Variants in MED1 observed in about 807,000 individuals in gnomAD.
MED1 encodes mediator complex subunit 1, also known as mediator of RNA polymerase II transcription subunit 1.
Under a neutral mutation model 121.3 loss-of-function variants are expected in MED1, and 17 were observed. That is an observed-to-expected ratio of 0.14 (90% confidence interval 0.10 to 0.21). MED1 has a LOEUF of 0.21. Ranked by LOEUF, MED1 falls within the 10% of genes least tolerant of loss-of-function variation. The probability of loss-of-function intolerance (pLI) is 1.00; values close to 1 mark genes in which losing one functional copy is unlikely to be tolerated. For synonymous variants in MED1, 661 were observed against 694.4 expected (o/e 0.95, Z 0.76); for missense variants, 1,558 against 1,919.4 (o/e 0.81, Z 3.52).
chr17:39,448,790 T>G (rs1250397900), intron 1 of MED1, among the ~76,000 whole-genome samples: 1 of 151,604 alleles, frequency 6.6e-6, no homozygotes, highest in Non-Finnish European at 1.5e-5. Flanking sequence ...ATGCCTGTAA[T>G]CCCAGCTACT....
At chr17:39,419,607 A>G in intron 14 of MED1, 110 bp downstream of exon 14, 3 of 1,155,608 alleles carry the variant, frequency 2.6e-6, no homozygotes, top group African/African-American at 1.6e-5. Flanking sequence ...TATGAAAAAA[A>G]AAAAACTTTT....
chr17:39,431,791 C>T, intron 8 of MED1, 151 bp downstream of exon 8: 1 of 566,586 alleles, frequency 1.8e-6, no homozygotes, highest in Non-Finnish European at 3.1e-6. Context: ...CTTAGCGATA[C>T]TGATACTCAG....
intron 13 of MED1, among the ~76,000 whole-genome samples, chr17:39,422,151 AC>A (rs2048470991): frequency 1.3e-5 from 2 of 149,456 alleles, no homozygotes; most frequent in African/African-American, 4.9e-5. Context: ...AAAGTCTATC[AC>A]CCAAAATTTC....
chr17:39,427,654 C>A, intron 10 of MED1, 47 bp downstream of exon 10: 1 of 1,390,806 alleles, frequency 7.2e-7, no homozygotes, highest in Non-Finnish European at 1.0e-6. Flanking sequence ...TAAAGGCAAG[C>A]TGGGCACCGA....
rs1351797305 is a variant in MED1 at position 39,408,951 on chromosome 17, A to C, written c.3270T>G (p.Ser1090=). 6.2e-7 allele frequency: 1 copy of C among 1,614,202 alleles called. No homozygotes were observed. The highest frequency in any genetic ancestry group is 8.5e-7 in the Non-Finnish European group (1 of 1,180,036). The change falls in exon 17 of 17, where the codon TCT becomes TCG. Residue 1090 remains serine (S), a synonymous_variant. Transcript: ENST00000300651. The surrounding 1 kb of genome is among the most constrained non-coding windows in gnomAD (Gnocchi z 4.7). ...TATGGTGGCTTTTGCTGCCTGAGGA[A>C]GACACAGAACCACTGCTGGTATACT... ...HSQYTSSGSV[S]SSGSKSHHSH...
Position 39,406,017 on chromosome 17 carries a change from C to A in MED1, c.*1458G>T. On this transcript the variant is annotated 3_prime_UTR_variant, in exon 17 of 17. Coordinates refer to ENST00000300651, the MANE Select transcript of MED1 (RefSeq NM_004774.4). The stretch of plus-strand genomic sequence containing the variant: ...AATGGCACAGTGCAGGTGTCAATAT[C>A]AAAGTAAGGCCGCAGAATTTTTGAG... 1 of 985,360 alleles carries A rather than the reference C, an allele frequency of 1.0e-6. No individual in the cohort carries two copies. Among genetic ancestry groups the A allele is most frequent in the Non-Finnish European group, 1.2e-6 (1 of 829,904 alleles). The allele number at this position is 985,360 out of a possible 1,614,324, so 61.0% of individuals were successfully genotyped here. A position where few individuals can be genotyped will look rare whatever the true frequency, so the allele number is the denominator to read the frequency against.
Position 39,408,433 on chromosome 17 carries a change from G to C in MED1, c.3788C>G (p.Ser1263Cys). Residue 1263 changes from serine (S) to cysteine (C), a missense_variant, in exon 17 of 17, where the codon TCT becomes TGT. Physicochemically the swap from Ser to Cys is moderately radical, Grantham distance 112. This residue lies in a region of MED1 where 793 missense variants were observed against 898.2 expected (regional missense o/e 0.88). Transcript: ENST00000300651. This position sits in a 1 kb window ranked among gnomAD's most constrained non-coding sequence, Gnocchi z 4.7. ...GSLSQKTPPS[S>C]NSCTASSSSF... ...GGAGGAAGATGCCGTACAGGAATTA[G>C]ATGATGGGGGAGTTTTCTGGGACAA... The C allele has an allele frequency of 1.9e-6, 3 of 1,614,184 alleles. No homozygotes were observed. Among genetic ancestry groups the C allele is most frequent in the Non-Finnish European group, 2.5e-6 (3 of 1,180,032 alleles).
At position 39,410,116 on chromosome 17, in the gene MED1, T is replaced by G. The variant is rs1419634411; in HGVS notation, c.2105A>C (p.His702Pro). 7.4e-6 allele frequency: 12 copies of G among 1,614,104 alleles called. No homozygotes were observed. Among genetic ancestry groups the G allele is most frequent in the Admixed American group, 1.7e-5 (1 of 60,006 alleles). The change falls in exon 17 of 17, where the codon CAC (histidine) becomes CCC (proline). Residue 702 changes from histidine (H) to proline (P), a missense_variant. Coordinates refer to ENST00000300651, the MANE Select transcript of MED1 (RefSeq NM_004774.4). ...SSRLPPEKPK[H>P]QTEDDFQREL... is the part of the protein sequence containing the mutation. ...CCTCTGAAAGTCATCTTCAGTCTGG[T>G]GCTTTGGTTTCTCAGGTGGTAATCT...
chr17:39,411,480 G>C (rs2048355089), intron 16 of MED1, among the ~76,000 whole-genome samples: 1 of 150,908 alleles, frequency 6.6e-6, no homozygotes, highest in South Asian at 2.1e-4. Context: ...AAATTAGCCA[G>C]CCGTGGCGGT....
intron 2 of MED1, among the ~76,000 whole-genome samples, chr17:39,444,786 T>C (rs191600191): frequency 3.3e-5 from 5 of 152,156 alleles, no homozygotes; most frequent in African/African-American, 9.6e-5. Context: ...GGAGAATCGC[T>C]TGACCCGGGG....
At chr17:39,431,023 A>C (rs2048560545) in intron 9 of MED1, 92 bp downstream of exon 9, 2 of 1,251,116 alleles carry the variant, frequency 1.6e-6, no homozygotes, top group Non-Finnish European at 1.2e-6. Flanking sequence ...TGTCTCAAAA[A>C]AATAAACAAA....
chr17:39,422,625 TC>T (rs2048477269), intron 13 of MED1, among the ~76,000 whole-genome samples: 1 of 149,904 alleles, frequency 6.7e-6, no homozygotes, highest in Non-Finnish European at 1.5e-5. Flanking sequence ...ACAGGCATGT[TC>T]CACCACACCC....
chr17:39,441,444 G>A (rs887639548), intron 3 of MED1, among the ~76,000 whole-genome samples: 3 of 152,118 alleles, frequency 2.0e-5, no homozygotes, highest in Non-Finnish European at 2.9e-5. Context: ...AAAGAAAATG[G>A]TAAATTTTGT....
chr17:39,438,439 T>G (rs576073953), intron 6 of MED1, among the ~76,000 whole-genome samples: 26 of 150,850 alleles, frequency 1.7e-4, no homozygotes, highest in Non-Finnish European at 3.1e-4. Context: ...CGCTCCCAGG[T>G]TCACGCCATT....
chr17:39,410,856 C>A lies in MED1; in HGVS notation c.1500-135G>T, dbSNP rs1331001692. 7.8e-6 allele frequency: 10 copies of A among 1,283,684 alleles called. No individual in the cohort carries two copies. The East Asian group carries it at 2.0e-4, about 26-fold the overall frequency. The allele number at this position is 1,283,684 out of a possible 1,614,324, so 79.5% of individuals were successfully genotyped here. A position where few individuals can be genotyped will look rare whatever the true frequency, so the allele number is the denominator to read the frequency against. On this transcript the variant is annotated intron_variant, in intron 16 of 16. Coordinates refer to ENST00000300651, the MANE Select transcript of MED1 (RefSeq NM_004774.4). ...AATAATCTGTAAGACAAAAATAGTT[C>A]TATCAAATACCAGAGCTTTGGGTAA...
chr17:39,424,614 A>T lies in MED1; in HGVS notation c.851+13T>A. 1 of 1,529,004 alleles carries T rather than the reference A, an allele frequency of 6.5e-7. No homozygotes were observed. Among genetic ancestry groups the T allele is most frequent in the Non-Finnish European group, 9.0e-7 (1 of 1,114,998 alleles). 94.7% of individuals were successfully genotyped at this position (1,529,004 alleles called of 1,614,324 possible). A position where few individuals can be genotyped will look rare whatever the true frequency, so the allele number is the denominator to read the frequency against. The stretch of plus-strand genomic sequence containing the variant: ...AAATTGACTTTGCTACTCTAAAATT[A>T]TATTTAACTTACCATTTATTGTCAA... On this transcript the variant is annotated intron_variant, in intron 11 of 16. Transcript: ENST00000300651.
intron 14 of MED1, among the ~76,000 whole-genome samples, chr17:39,418,085 CAAAAAAAAAAAAA>C (rs760116991): frequency 3.6e-5 from 2 of 55,638 alleles, no homozygotes; most frequent in African/African-American, 1.5e-4. Flanking sequence ...GACTCCGTCT[CAAAAAAAAAAAAA>C]AAAAAAAAAA....
intron 3 of MED1, 43 bp downstream of exon 3, chr17:39,443,506 TG>T: frequency 6.5e-7 from 1 of 1,538,404 alleles, no homozygotes. Context: ...CTTCTTGAAC[TG>T]GGGGTTTTGT....
chr17:39,409,571 C>T lies in MED1; in HGVS notation c.2650G>A (p.Asp884Asn). ...TTATCCCCACTTTGGCTGCTTTCATCAAAATATTCTTCTCCAAAACCACTT... is the reference window on the plus strand; with the variant it reads ...TTATCCCCACTTTGGCTGCTTTCATTAAAATATTCTTCTCCAAAACCACTT... The part of the protein sequence containing the change: ...SQSGFGEEYF[D>N]ESSQSGDNDD... The change falls in exon 17 of 17, where the codon GAT becomes AAT. Residue 884 changes from aspartate (D) to asparagine (N), a missense_variant. Physicochemically the swap from Asp to Asn is conservative, Grantham distance 23 (BLOSUM62 1). Coordinates refer to ENST00000300651, the MANE Select transcript of MED1 (RefSeq NM_004774.4). The T allele has an allele frequency of 6.2e-7, 1 of 1,614,114 alleles. No individual in the cohort carries two copies. The highest frequency in any genetic ancestry group is 1.1e-5 in the South Asian group (1 of 91,076).
Sources: gnomAD v4.1 joint callset for allele counts (sites outside exome capture counted in the v4.1 genomes callset) on GRCh38, gnomAD v4.1.1 for gene constraint, gnomAD v4.1.1 regional missense constraint, Gnocchi (gnomAD v3.1) non-coding constraint, MANE v1.5 for transcripts, NCBI Gene and HGNC (gene_info 2026-07-23, HGNC 2026-07-21) for gene names.